CUL3: variants seen among roughly 807,000 people sequenced by gnomAD.
CUL3 encodes the protein cullin-3.
In CUL3, 19 loss-of-function variants were observed where a neutral mutation model predicts 89.1. That is an observed-to-expected ratio of 0.21 (90% CI 0.15 to 0.31). The LOEUF (loss-of-function observed/expected upper bound fraction) is 0.31. Ranked by LOEUF, CUL3 falls within the 10% of genes least tolerant of loss-of-function variation. The pLI is 1.00. For missense variants in CUL3, 469 were observed against 942.3 expected (o/e 0.50, Z 6.58); for synonymous variants, 351 against 308.4 (o/e 1.14, Z -1.45).
chr2:224,573,385 G>A (rs1695230011), intron 1 of CUL3, among the ~76,000 whole-genome samples: 1 of 152,154 alleles, frequency 6.6e-6, no homozygotes. Flanking sequence ...TACAGGTTAT[G>A]CTTTTGACTG....
intron 13 of CUL3, among the ~76,000 whole-genome samples, 194 bp from the exon 14 acceptor site, chr2:224,482,272 T>TTCA (rs1691563725): frequency 6.6e-6 from 1 of 152,126 alleles, no homozygotes; most frequent in South Asian, 2.1e-4. Context: ...GAAAGGGTGA[T>TTCA]TCAAGTTATA....
intron 1 of CUL3, among the ~76,000 whole-genome samples, chr2:224,564,161 C>T (rs1694982422): frequency 6.6e-6 from 1 of 152,062 alleles, no homozygotes; most frequent in Non-Finnish European, 1.5e-5. Flanking sequence ...TGGCACACAC[C>T]TGTAATCTCA....
Position 224,585,208 on chromosome 2 carries a change from C to G in CUL3, c.-199G>C, listed in dbSNP as rs1171784884. 2 of 357,824 alleles carry G rather than the reference C, an allele frequency of 5.6e-6. No homozygotes were observed. The highest frequency in any genetic ancestry group is 4.1e-5 in the East Asian group (1 of 24,576). 22.2% of individuals were successfully genotyped at this position (357,824 alleles called of 1,614,324 possible). ...GGCGGCGGCGGCGGCGGCTCGGACT[C>G]TGGCGACTCCGATGCGGCTGGGGGG... On this transcript the variant is annotated 5_prime_UTR_variant, in exon 1 of 16. Transcript: ENST00000264414.
At chr2:224,497,606 A>G in intron 12 of CUL3, 147 bp downstream of exon 12, 1 of 609,588 alleles carries the variant, frequency 1.6e-6, no homozygotes, top group Non-Finnish European at 2.8e-6. Context: ...GAAGTAATAA[A>G]TCAAAGCTAG....
At chr2:224,514,840 A>C in intron 3 of CUL3, 68 bp from the exon 4 acceptor site, 1 of 1,121,404 alleles carries the variant, frequency 8.9e-7, no homozygotes, top group South Asian at 1.7e-5. Context: ...GTGCTACAAT[A>C]ACAAATAAAG....
intron 10 of CUL3, among the ~76,000 whole-genome samples, chr2:224,501,708 G>A (rs1015987436): frequency 2.6e-5 from 4 of 152,162 alleles, no homozygotes; most frequent in African/African-American, 4.8e-5. Context: ...GAGACTCTTA[G>A]ATGGTGTACT....
intron 3 of CUL3, among the ~76,000 whole-genome samples, chr2:224,529,917 T>C (rs1027260364): frequency 1.3e-5 from 2 of 152,158 alleles, no homozygotes; most frequent in African/African-American, 4.8e-5. Flanking sequence ...GCATAACATT[T>C]TAGACACAGA....
At chr2:224,529,561 G>A (rs867766364) in intron 3 of CUL3, among the ~76,000 whole-genome samples, 14 of 151,870 alleles carry the variant, frequency 9.2e-5, no homozygotes, top group South Asian at 2.1e-4. Flanking sequence ...CCCGGGAGGC[G>A]GAGCTTGCAG....
rs369480573 is a variant in CUL3, at chr2:224,495,814, T to C, written c.1842+18A>G. On this transcript the variant is annotated intron_variant, in intron 13 of 15. Coordinates refer to ENST00000264414, the MANE Select transcript of CUL3 (RefSeq NM_003590.5). ...TTAGAAACAACACAGTTAAAATGTA[T>C]ATAACCACAATCCATACCTCAAATG... 1.9e-6 allele frequency: 3 copies of C among 1,591,174 alleles called. No homozygotes were observed. Among genetic ancestry groups the C allele is most frequent in the Admixed American group, 1.7e-5 (1 of 58,388 alleles).
chr2:224,536,038 G>C (rs1693886752), intron 2 of CUL3, among the ~76,000 whole-genome samples: 1 of 152,118 alleles, frequency 6.6e-6, no homozygotes, highest in Admixed American at 6.6e-5. Flanking sequence ...TACTGATTTT[G>C]GAGTCAATTA....
chr2:224,474,987 A>G (rs2106135202), intron 15 of CUL3, among the ~76,000 whole-genome samples: 2 of 152,278 alleles, frequency 1.3e-5, no homozygotes, highest in South Asian at 2.1e-4. Flanking sequence ...TGCACTATTC[A>G]TCTGTCATTT....
chr2:224,487,450 A>C (rs1209768960), intron 13 of CUL3, among the ~76,000 whole-genome samples: 3 of 147,794 alleles, frequency 2.0e-5, no homozygotes, highest in African/African-American at 2.5e-5. Context: ...CCCCAAAAAA[A>C]AAAAAAAAAA....
chr2:224,550,345 C>A (rs1224092437), intron 2 of CUL3, among the ~76,000 whole-genome samples: 1 of 152,126 alleles, frequency 6.6e-6, no homozygotes, highest in Admixed American at 6.5e-5. Flanking sequence ...GACTGTGACT[C>A]CATCACATGA....
intron 2 of CUL3, among the ~76,000 whole-genome samples, chr2:224,546,569 C>A (rs1694309306): frequency 1.3e-5 from 2 of 151,880 alleles, no homozygotes; most frequent in African/African-American, 2.4e-5. Flanking sequence ...GTGCCAACCA[C>A]ATGCAAAGAG....
intron 1 of CUL3, among the ~76,000 whole-genome samples, chr2:224,577,572 A>C (rs1157826527): frequency 7.5e-6 from 1 of 133,628 alleles, no homozygotes; most frequent in African/African-American, 3.4e-5. Flanking sequence ...TCTGTCTCAA[A>C]AAAAAAAAAA....
At chr2:224,511,626 G>C (rs1692829934) in intron 5 of CUL3, 44 bp from the exon 6 acceptor site, 37 of 1,164,588 alleles carry the variant, frequency 3.2e-5, no homozygotes, top group Non-Finnish European at 4.4e-5. Flanking sequence ...TAGAAGAAAA[G>C]AGTGTTTTTG....
chr2:224,515,989 C>A (rs1693025874), intron 3 of CUL3, among the ~76,000 whole-genome samples: 1 of 152,000 alleles, frequency 6.6e-6, no homozygotes, highest in African/African-American at 2.4e-5. Flanking sequence ...CATGCCCGGC[C>A]CCAAACAATT....
At chr2:224,558,873 A>G (rs1456461989) in intron 1 of CUL3, among the ~76,000 whole-genome samples, 2 of 11,212 alleles carry the variant, frequency 1.8e-4, no homozygotes, top group African/African-American at 1.6e-3. Context: ...TCTACTAAAT[A>G]TACAAAAAAT....
chr2:224,493,972 GT>G (rs1222994019), intron 13 of CUL3, among the ~76,000 whole-genome samples: 1 of 151,924 alleles, frequency 6.6e-6, no homozygotes, highest in Non-Finnish European at 1.5e-5. Flanking sequence ...AAAAATAAAA[GT>G]AAAAAAAATT....
Sources: gnomAD v4.1 joint callset for allele counts (sites outside exome capture counted in the v4.1 genomes callset) on GRCh38, gnomAD v4.1.1 for gene constraint, MANE v1.5 for transcripts, NCBI Gene and HGNC (gene_info 2026-07-23, HGNC 2026-07-21) for gene names.